Variants in STX8 observed in about 807,000 individuals in gnomAD.
STX8 encodes syntaxin-8.
Under a neutral mutation model 37.5 loss-of-function variants are expected in STX8, and 23 were observed. The ratio of observed to expected loss-of-function variants is 0.61; its 90% CI spans 0.44 to 0.87. The LOEUF (loss-of-function observed/expected upper bound fraction) is 0.87, where lower values mean the gene tolerates loss of function less well. Ranked by LOEUF, STX8 falls within the 40% of genes least tolerant of loss-of-function variation. STX8 has a pLI of 0.00. For synonymous variants in STX8, 115 were observed against 99.1 expected, an observed-to-expected ratio of 1.16 and a Z score of -0.95; for missense variants, 313 against 284.7, an observed-to-expected ratio of 1.10 and a Z score of -0.71.
chr17:9,384,794 T>TGTGTGTGTG (rs1911932769), intron 6 of STX8, among the ~76,000 whole-genome samples: 2 of 147,656 alleles, frequency 1.4e-5, no homozygotes, highest in Non-Finnish European at 1.5e-5. Context: ...CCAGATAGAC[T>TGTGTGTGTG]TGTGTGTGTG....
At position 9,378,629 on chromosome 17, in the gene STX8, A is replaced by C. The variant is rs1453425601; in HGVS notation, c.566T>G (p.Leu189Arg). Residue 189 changes from leucine (L) to arginine (R), a missense_variant, in exon 7 of 8, where the codon CTA (leucine) becomes CGA (arginine). Physicochemically the swap from Leu to Arg is moderately radical, Grantham distance 102 (BLOSUM62 -2). Coordinates refer to ENST00000306357, the MANE Select transcript of STX8 (RefSeq NM_004853.3). The stretch of plus-strand genomic sequence containing the variant: ...AAGTTTTTCATCTGTGTTCTCCACT[A>C]GGTTGGCAAGGTCGTCAATTATCTC... ...QNEIIDDLAN[L>R]VENTDEKLRN... 2 of 1,613,524 alleles carry C rather than the reference A, an allele frequency of 1.2e-6. No individual in the cohort carries two copies.
Position 9,424,787 on chromosome 17 carries a change from T to G in STX8, c.542-46134A>C, listed in dbSNP as rs1236800467. Reference sequence around the variant, plus strand: ...AATCAATCCAAAATCGAGAATATCATCTTTCTTGGTGCTGCCTAGGTACAA... The same window carrying G: ...AATCAATCCAAAATCGAGAATATCAGCTTTCTTGGTGCTGCCTAGGTACAA... On this transcript the variant is annotated intron_variant, in intron 6 of 7. Transcript: ENST00000306357. Among the ~76,000 whole-genome samples the G allele has an allele frequency of 2.6e-5, 4 of 152,212 alleles. No individual in the cohort carries two copies. The East Asian group carries it at 7.7e-4, about 29-fold the overall frequency.
intron 7 of STX8, among the ~76,000 whole-genome samples, chr17:9,342,758 C>G (rs527965723): frequency 6.6e-6 from 1 of 152,146 alleles, no homozygotes; most frequent in South Asian, 2.1e-4. Flanking sequence ...CGCGGTGGCT[C>G]ACGCCTGTAA....
At chr17:9,286,793 G>C (rs1908089117) in intron 7 of STX8, among the ~76,000 whole-genome samples, 1 of 151,886 alleles carries the variant, frequency 6.6e-6, no homozygotes, top group Admixed American at 6.6e-5. Context: ...AGGAATCCCT[G>C]CAAAACCCCA....
At chr17:9,489,096 C>T (rs990823012) in intron 6 of STX8, among the ~76,000 whole-genome samples, 1 of 152,114 alleles carries the variant, frequency 6.6e-6, no homozygotes, top group African/African-American at 2.4e-5. Context: ...AGGCTGGTCT[C>T]GAACTCCTGA....
At chr17:9,551,199 T>C (rs1282860349) in intron 3 of STX8, among the ~76,000 whole-genome samples, 1 of 152,218 alleles carries the variant, frequency 6.6e-6, no homozygotes, top group Non-Finnish European at 1.5e-5. Flanking sequence ...AGTTTAAGGT[T>C]CTAGAGGTCA....
chr17:9,397,056 C>T (rs1427870718), intron 6 of STX8, among the ~76,000 whole-genome samples: 5 of 152,206 alleles, frequency 3.3e-5, no homozygotes, highest in African/African-American at 1.2e-4. Flanking sequence ...CACAGGGGTA[C>T]AGGTTAACAA....
At position 9,288,640 on chromosome 17, in the gene STX8, T is replaced by C. The variant is rs530881003; in HGVS notation, c.644-37995A>G. Among the ~76,000 whole-genome samples, 260 of 151,844 alleles carry C rather than the reference T, an allele frequency of 1.7e-3. 2 individuals carry two copies. The highest frequency in any genetic ancestry group is 5.6e-3 in the African/African-American group (230 of 41,372). Reference sequence around the variant, plus strand: ...TCGCGCCACTGCACTCCAGCCTGGGTGACAGAGTGAGACTCCGTCTCGAAA... The same window carrying C: ...TCGCGCCACTGCACTCCAGCCTGGGCGACAGAGTGAGACTCCGTCTCGAAA... On this transcript the variant is annotated intron_variant, in intron 7 of 7. Transcript: ENST00000306357.
intron 7 of STX8, among the ~76,000 whole-genome samples, chr17:9,346,851 G>A (rs1346200837): frequency 6.6e-6 from 1 of 152,146 alleles, no homozygotes. Context: ...CTCCTTGCTG[G>A]GCACGGTGGC....
Position 9,531,645 on chromosome 17 carries a change from C to T in STX8, c.323+13527G>A, listed in dbSNP as rs115371887. ...AATATAGCATATACAGGGCTCAGTA[C>T]TACCCAAGCTTTCAGGAATCCACTG... On this transcript the variant is annotated intron_variant, in intron 4 of 7. Transcript: ENST00000306357. Among the ~76,000 whole-genome samples the T allele has an allele frequency of 5.8e-3, 876 of 152,240 alleles. 8 individuals are homozygous for T. Among genetic ancestry groups the T allele is most frequent in the African/African-American group, 0.02 (846 of 41,538 alleles).
At chr17:9,336,420 T>A (rs1006122267) in intron 7 of STX8, among the ~76,000 whole-genome samples, 2 of 151,552 alleles carry the variant, frequency 1.3e-5, no homozygotes, top group South Asian at 4.2e-4. Context: ...TCCTTCCCCT[T>A]CCTTCCTTCC....
chr17:9,413,512 G>A (rs1913048283), intron 6 of STX8, among the ~76,000 whole-genome samples: 1 of 152,174 alleles, frequency 6.6e-6, no homozygotes, highest in Non-Finnish European at 1.5e-5. Context: ...AGGGCTTCCT[G>A]AGCATCAGAT....
chr17:9,298,933 T>C (rs1908665130), intron 7 of STX8, among the ~76,000 whole-genome samples: 1 of 152,194 alleles, frequency 6.6e-6, no homozygotes, highest in Admixed American at 6.5e-5. Context: ...GCAGCAGATG[T>C]GGCTTAAAAC....
intron 7 of STX8, among the ~76,000 whole-genome samples, chr17:9,328,629 G>T (rs747203976): frequency 2.0e-5 from 3 of 152,168 alleles, no homozygotes; most frequent in African/African-American, 4.8e-5. Flanking sequence ...ACTGTTCAGG[G>T]TCAATGGCCC....
intron 6 of STX8, among the ~76,000 whole-genome samples, chr17:9,384,670 A>C (rs550847271): frequency 6.6e-6 from 1 of 151,230 alleles, no homozygotes; most frequent in African/African-American, 2.5e-5. Flanking sequence ...AAACAGAACA[A>C]AACAAGTTGG....
At chr17:9,384,773 C>A (rs1911931150) in intron 6 of STX8, among the ~76,000 whole-genome samples, 3 of 141,126 alleles carry the variant, frequency 2.1e-5, no homozygotes, top group Non-Finnish European at 1.6e-5. Context: ...ATCAATGGAA[C>A]AAAACAGAGT....
intron 7 of STX8, among the ~76,000 whole-genome samples, chr17:9,350,189 G>A (rs886634063): frequency 7.9e-5 from 12 of 152,086 alleles, no homozygotes; most frequent in Non-Finnish European, 1.5e-4. Context: ...TGAATGGGCC[G>A]CGTATACAGC....
intron 6 of STX8, among the ~76,000 whole-genome samples, chr17:9,426,649 T>C (rs1413063163): frequency 6.9e-6 from 1 of 145,494 alleles, no homozygotes; most frequent in Non-Finnish European, 1.6e-5. Context: ...TGGTCTTAGC[T>C]ACTCAGGAGG....
At chr17:9,453,173 TC>T (rs1310495469) in intron 6 of STX8, among the ~76,000 whole-genome samples, 1 of 152,102 alleles carries the variant, frequency 6.6e-6, no homozygotes, top group Non-Finnish European at 1.5e-5. Context: ...GGTGTGGGGA[TC>T]CGAAAGGTTA....
Sources: gnomAD v4.1 joint callset for allele counts (sites outside exome capture counted in the v4.1 genomes callset) on GRCh38, gnomAD v4.1.1 for gene constraint, MANE v1.5 for transcripts, NCBI Gene and HGNC (gene_info 2026-07-23, HGNC 2026-07-21) for gene names.